The following UHMK1 variants were observed in gnomAD, a reference collection of about 807,000 sequenced individuals.
UHMK1 encodes the protein U2AF homology motif kinase 1, also known as serine/threonine-protein kinase Kist.
UHMK1 carries 18 observed loss-of-function variants against 44.0 expected under a neutral mutation model. The observed-to-expected ratio is 0.41, with a 90% CI of 0.28 to 0.61. The LOEUF is 0.61. Ranked by LOEUF, UHMK1 falls within the 20% of genes least tolerant of loss-of-function variation. The pLI is 0.31. For missense variants in UHMK1, 463 were observed against 522.5 expected, an observed-to-expected ratio of 0.89 and a Z score of 1.11; for synonymous variants, 231 against 198.5, an observed-to-expected ratio of 1.16 and a Z score of -1.38.
intron 4 of UHMK1, among the ~76,000 whole-genome samples, chr1:162,509,676 C>T (rs573715725): frequency 6.6e-6 from 1 of 152,304 alleles, no homozygotes; most frequent in South Asian, 2.1e-4. Context: ...GAGTCACACT[C>T]TGTTGCCCAG....
At chr1:162,514,087 A>G (rs749947416) in intron 6 of UHMK1, among the ~76,000 whole-genome samples, 5 of 152,192 alleles carry the variant, frequency 3.3e-5, no homozygotes, top group Non-Finnish European at 7.3e-5. Flanking sequence ...TATTGTTACT[A>G]GTACTAGAGA....
chr1:162,512,934 A>G, intron 6 of UHMK1, 111 bp downstream of exon 6: 1 of 1,082,948 alleles, frequency 9.2e-7, no homozygotes, highest in South Asian at 1.4e-5. Flanking sequence ...ATATTGAACA[A>G]TATGATCTCT....
At chr1:162,510,801 T>G (rs186774630) in intron 4 of UHMK1, among the ~76,000 whole-genome samples, 2 of 152,296 alleles carry the variant, frequency 1.3e-5, no homozygotes, top group Admixed American at 1.3e-4. Context: ...TTCATCATAC[T>G]GATTTCATTT....
chr1:162,503,656 G>A (rs1475593954), intron 3 of UHMK1, 98 bp from the exon 4 acceptor site: 1 of 593,126 alleles, frequency 1.7e-6, no homozygotes, highest in African/African-American at 2.0e-5. Flanking sequence ...AGAAGATAGT[G>A]TTTTCTGTTG....
At chr1:162,514,664 C>CTAAG (rs1352948613) in intron 6 of UHMK1, among the ~76,000 whole-genome samples, 1 of 152,124 alleles carries the variant, frequency 6.6e-6, no homozygotes, top group African/African-American at 2.4e-5. Context: ...AATGCAGTGA[C>CTAAG]TAAGTGGATA....
intron 4 of UHMK1, among the ~76,000 whole-genome samples, chr1:162,507,808 G>A (rs1164603712): frequency 2.0e-5 from 3 of 151,672 alleles, no homozygotes; most frequent in Admixed American, 6.6e-5. Context: ...GGATGGTCTC[G>A]ATCTCCTGAA....
rs1031530965 is a variant in UHMK1 at position 162,529,615 on chromosome 1, T to A, written c.*7065T>A. ...AAATAAAAGCTTAAAAATAAAGGAG[T>A]TGCTTTTTAATTTCAACTTTTTCTA... On this transcript the variant is annotated 3_prime_UTR_variant, in exon 8 of 8. Transcript: ENST00000489294. 6.6e-6 allele frequency: 1 copy of A among 152,080 alleles called. No homozygotes were observed. Among genetic ancestry groups the A allele is most frequent in the Non-Finnish European group, 1.5e-5 (1 of 67,998 alleles). The allele number at this position is 152,080 out of a possible 1,614,324, so 9.4% of individuals were successfully genotyped here. A position where few individuals can be genotyped will look rare whatever the true frequency, so the allele number is the denominator to read the frequency against.
chr1:162,507,221 G>A (rs143021628), intron 4 of UHMK1, among the ~76,000 whole-genome samples: 2,879 of 151,758 alleles, frequency 0.019, 84 homozygotes, highest in African/African-American at 0.064. Context: ...CTGGGTTCAA[G>A]CAATTCTCCC....
upstream of UHMK1, chr1:162,497,292 G>A (rs1177651545): frequency 7.1e-6 from 5 of 702,660 alleles, no homozygotes; most frequent in African/African-American, 7.0e-5. Context: ...ACCTTAACCG[G>A]AGAGGTATGA....
intron 1 of UHMK1, among the ~76,000 whole-genome samples, chr1:162,499,182 GT>G (rs200820942): frequency 1.0e-4 from 15 of 146,210 alleles, no homozygotes; most frequent in Non-Finnish European, 1.1e-4. Flanking sequence ...TTTTGTTTTA[GT>G]TTTTTTTTTT....
In UHMK1 at chr1:162,522,722, C is replaced by A; in HGVS notation, c.*172C>A. 1.4e-6 allele frequency: 1 copy of A among 710,816 alleles called. No individual in the cohort carries two copies. Among genetic ancestry groups the A allele is most frequent in the Non-Finnish European group, 2.2e-6 (1 of 448,390 alleles). The allele number at this position is 710,816 out of a possible 1,614,324, so 44.0% of individuals were successfully genotyped here. On this transcript the variant is annotated 3_prime_UTR_variant, in exon 8 of 8. Coordinates refer to ENST00000489294, the MANE Select transcript of UHMK1 (RefSeq NM_175866.5). ...GTGACTGCGTTGCATACATTTGGCA[C>A]TGAGTAGGACAAGACCTCTCAGCTA...
At chr1:162,504,264 G>A (rs1651384836) in intron 4 of UHMK1, among the ~76,000 whole-genome samples, 1 of 152,120 alleles carries the variant, frequency 6.6e-6, no homozygotes, top group Non-Finnish European at 1.5e-5. Context: ...CAACGGTCTG[G>A]GGACAGATAC....
At chr1:162,504,335 A>G (rs1651387836) in intron 4 of UHMK1, among the ~76,000 whole-genome samples, 2 of 152,368 alleles carry the variant, frequency 1.3e-5, no homozygotes, top group Admixed American at 6.5e-5. Flanking sequence ...ACAAATGTGT[A>G]CAGTCGTGTC....
chr1:162,514,244 GCA>G (rs1651761618), intron 6 of UHMK1, among the ~76,000 whole-genome samples: 1 of 150,874 alleles, frequency 6.6e-6, no homozygotes, highest in African/African-American at 2.4e-5. Flanking sequence ...ACCCGAGATT[GCA>G]CCACTGCACT....
In UHMK1 at chr1:162,497,856, C is replaced by T. The variant is rs1036194670; in HGVS notation, c.-145C>T. Reference sequence around the variant, plus strand: ...ACCACGGCTTCCGGTGTCATGGCTGCTTGAAGTCCCGGGAGTCGGTGAGGC... The same window carrying T: ...ACCACGGCTTCCGGTGTCATGGCTGTTTGAAGTCCCGGGAGTCGGTGAGGC... On this transcript the variant is annotated 5_prime_UTR_variant, in exon 1 of 8. Coordinates refer to ENST00000489294, the MANE Select transcript of UHMK1 (RefSeq NM_175866.5). The T allele has an allele frequency of 1.5e-5, 20 of 1,375,760 alleles. No individual in the cohort carries two copies. Among genetic ancestry groups the T allele is most frequent in the Non-Finnish European group, 1.6e-5 (17 of 1,070,096 alleles). 85.2% of individuals were successfully genotyped at this position (1,375,760 alleles called of 1,614,324 possible). A position where few individuals can be genotyped will look rare whatever the true frequency, so the allele number is the denominator to read the frequency against.
chr1:162,500,955 G>T lies in UHMK1; in HGVS notation c.604G>T (p.Ala202Ser), dbSNP rs1257846329. ...GACAGACGGGTATCGGGCTCCAGAA[G>T]CAGAATTGCAAAATTGCTTGGCCCA... ...IQTDGYRAPE[A>S]ELQNCLAQAG... The change falls in exon 3 of 8, where the codon GCA becomes TCA. Residue 202 changes from alanine (A) to serine (S), a missense_variant. Physicochemically the swap from Ala to Ser is moderately conservative, Grantham distance 99 (BLOSUM62 1). Transcript: ENST00000489294. The T allele has an allele frequency of 6.2e-7, 1 of 1,614,128 alleles. No individual in the cohort carries two copies.
At position 162,528,159 on chromosome 1, in the gene UHMK1, G is replaced by T. The variant is rs1652313443; in HGVS notation, c.*5609G>T. The T allele has an allele frequency of 6.6e-6, 1 of 151,900 alleles. No individual in the cohort carries two copies. Among genetic ancestry groups the T allele is most frequent in the Admixed American group, 6.6e-5 (1 of 15,220 alleles). 9.4% of individuals were successfully genotyped at this position (151,900 alleles called of 1,614,324 possible). A position where few individuals can be genotyped will look rare whatever the true frequency, so the allele number is the denominator to read the frequency against. ...AAATCCTGCATATATGGACTCAAAA[G>T]TTCTTTAGTTATTTGAATTATATAT... On this transcript the variant is annotated 3_prime_UTR_variant, in exon 8 of 8. Transcript: ENST00000489294.
chr1:162,498,404 G>A, intron 1 of UHMK1, 136 bp downstream of exon 1: 1 of 1,101,354 alleles, frequency 9.1e-7, no homozygotes, highest in Non-Finnish European at 1.3e-6. Flanking sequence ...CCCCATCCAG[G>A]CCCCTTTCCC....
Position 162,524,969 on chromosome 1 carries a change from A to T in UHMK1, c.*2419A>T, listed in dbSNP as rs1652194234. 1.3e-5 allele frequency: 2 copies of T among 152,182 alleles called. No individual in the cohort carries two copies. The allele number at this position is 152,182 out of a possible 1,614,324, so 9.4% of individuals were successfully genotyped here. A position where few individuals can be genotyped will look rare whatever the true frequency, so the allele number is the denominator to read the frequency against. On this transcript the variant is annotated 3_prime_UTR_variant, in exon 8 of 8. Coordinates refer to ENST00000489294, the MANE Select transcript of UHMK1 (RefSeq NM_175866.5). ...GAGTGCAGTGGCTCAATCTCGGCTC[A>T]CTGCAACCTCTGCCTCGCAGGTTTG...
Sources: gnomAD v4.1 joint callset for allele counts (sites outside exome capture counted in the v4.1 genomes callset) on GRCh38, gnomAD v4.1.1 for gene constraint, MANE v1.5 for transcripts, NCBI Gene and HGNC (gene_info 2026-07-23, HGNC 2026-07-21) for gene names.